The following IQGAP1 variants were observed in gnomAD, a reference collection of about 807,000 sequenced individuals.
The protein encoded by IQGAP1 is ras GTPase-activating-like protein IQGAP1.
In IQGAP1, 66 loss-of-function variants were observed where a neutral mutation model predicts 215.6. That is an observed-to-expected ratio of 0.31 (90% confidence interval 0.25 to 0.38). IQGAP1 has a LOEUF of 0.38. Ranked by LOEUF, IQGAP1 falls within the 10% of genes least tolerant of loss-of-function variation. The probability of loss-of-function intolerance (pLI) is 1.00; values close to 1 mark genes in which losing one functional copy is unlikely to be tolerated. For missense variants in IQGAP1, 1,712 were observed against 1,997.1 expected (o/e 0.86, Z 2.72); for synonymous variants, 772 against 728.7 (o/e 1.06, Z -0.96).
At chr15:90,427,010 GT>G (rs1384249905) in intron 3 of IQGAP1, among the ~76,000 whole-genome samples, 2 of 151,254 alleles carry the variant, frequency 1.3e-5, no homozygotes, top group Middle Eastern at 3.4e-3. Flanking sequence ...ATTCTCACCT[GT>G]AATCCCAGTA....
At chr15:90,484,104 G>T in intron 29 of IQGAP1, 116 bp from the exon 30 acceptor site, 1 of 870,650 alleles carries the variant, frequency 1.1e-6, no homozygotes, top group South Asian at 1.7e-5. Context: ...TTCTCTTGAA[G>T]TAACTGTTGA....
intron 9 of IQGAP1, among the ~76,000 whole-genome samples, chr15:90,447,336 C>T (rs944123598): frequency 9.2e-5 from 14 of 152,216 alleles, no homozygotes; most frequent in African/African-American, 2.9e-4. Context: ...CCTTTTCTTC[C>T]GCCCTTTTTT....
At chr15:90,493,538 T>C (rs184233425) in intron 35 of IQGAP1, among the ~76,000 whole-genome samples, 108 of 152,352 alleles carry the variant, frequency 7.1e-4, no homozygotes, top group African/African-American at 2.0e-3. Flanking sequence ...TTATTATTTA[T>C]TCCTAACTTT....
chr15:90,429,911 A>C, intron 4 of IQGAP1: 1 of 296,506 alleles, frequency 3.4e-6, no homozygotes, highest in Non-Finnish European at 6.2e-6. Flanking sequence ...ACTACATCAA[A>C]TTGTAGACTT....
rs79750290 is a variant in IQGAP1 at position 90,448,971 on chromosome 15, C to G, written c.1077+235C>G. On this transcript the variant is annotated intron_variant, in intron 10 of 37. Transcript: ENST00000268182. Reference sequence around the variant, plus strand: ...ATAAACAGACAATACCCACCCATCCCCAGTCTAATCACTCCTTCACTTCAG... The same window carrying G: ...ATAAACAGACAATACCCACCCATCCGCAGTCTAATCACTCCTTCACTTCAG... Among the ~76,000 whole-genome samples the G allele has an allele frequency of 3.0e-3, 451 of 152,248 alleles. 4 individuals carry two copies. Among genetic ancestry groups the G allele is most frequent in the African/African-American group, 0.011 (437 of 41,536 alleles).
intron 2 of IQGAP1, among the ~76,000 whole-genome samples, chr15:90,407,460 A>G (rs888826945): frequency 7.9e-5 from 12 of 152,280 alleles, no homozygotes; most frequent in South Asian, 2.1e-4. Context: ...TGCCAGGGGA[A>G]CAGAACTAGA....
chr15:90,452,505 G>C (rs146246695), intron 11 of IQGAP1, among the ~76,000 whole-genome samples: 2 of 152,200 alleles, frequency 1.3e-5, no homozygotes, highest in African/African-American at 4.8e-5. Context: ...GTAGCATATA[G>C]GATGAATTGA....
chr15:90,469,087 A>T (rs1444140296), intron 18 of IQGAP1, among the ~76,000 whole-genome samples: 4 of 152,176 alleles, frequency 2.6e-5, no homozygotes, highest in Non-Finnish European at 5.9e-5. Flanking sequence ...GGGAAGTTAC[A>T]TTGTCATTGA....
intron 2 of IQGAP1, among the ~76,000 whole-genome samples, chr15:90,406,531 A>G (rs1247031484): frequency 1.3e-5 from 2 of 152,246 alleles, no homozygotes; most frequent in African/African-American, 2.4e-5. Context: ...AACATTGTGA[A>G]TATTCTAAAA....
Position 90,448,574 on chromosome 15 carries a change from AT to A in IQGAP1, c.919del (p.Ser307LeufsTer3). 1 of 1,573,804 alleles carries A rather than the reference AT, an allele frequency of 6.4e-7. No individual in the cohort carries two copies. The highest frequency in any genetic ancestry group is 8.6e-7 in the Non-Finnish European group (1 of 1,160,826). Reference protein sequence around the residue: ...IQGNINKVNTFSALANIDLAL... With the variant: ...IQGNINKVNTXSALANIDLAL... ...CAAGCTTTTGCCTTTTTTCCTCAGC[AT>A]TTTCTGCATTAGCAAATATCGACCT... On this transcript the variant is annotated frameshift_variant and splice_region_variant, in exon 10 of 38. Coordinates refer to ENST00000268182, the MANE Select transcript of IQGAP1 (RefSeq NM_003870.4). LOFTEE classifies it high-confidence loss of function.
At chr15:90,473,639 C>A (rs1301782576) in intron 19 of IQGAP1, 76 bp from the exon 20 acceptor site, 6 of 1,052,730 alleles carry the variant, frequency 5.7e-6, no homozygotes, top group Non-Finnish European at 8.6e-6. Flanking sequence ...GATCATGTAT[C>A]AAGATGAAAG....
chr15:90,450,856 A>C (rs115527935), intron 11 of IQGAP1, among the ~76,000 whole-genome samples: 2,151 of 103,404 alleles, frequency 0.021, 40 homozygotes, highest in African/African-American at 0.078. Context: ...CTTATATATT[A>C]TGGTTATTGT....
chr15:90,477,193 C>T lies in IQGAP1; in HGVS notation c.3067C>T (p.Leu1023=). The T allele has an allele frequency of 6.2e-7, 1 of 1,614,122 alleles. No homozygotes were observed. The stretch of plus-strand genomic sequence containing the variant: ...CAACCAGCGAGAGGAGTACCTGCTC[C>T]TGCGGCTCTTTAAGACAGCACTCCA... ...ASNQREEYLL[L]RLFKTALQEE... is the part of the protein sequence containing the mutation. The change falls in exon 25 of 38, where the codon CTG becomes TTG. Residue 1023 remains leucine (L), a synonymous_variant. Coordinates refer to ENST00000268182, the MANE Select transcript of IQGAP1 (RefSeq NM_003870.4).
intron 2 of IQGAP1, among the ~76,000 whole-genome samples, chr15:90,414,161 GA>G (rs1204135515): frequency 6.6e-6 from 1 of 151,770 alleles, no homozygotes; most frequent in Non-Finnish European, 1.5e-5. Flanking sequence ...TACACTTCTA[GA>G]AAAAGAAGTT....
intron 2 of IQGAP1, among the ~76,000 whole-genome samples, chr15:90,401,451 A>G (rs909936847): frequency 1.3e-5 from 2 of 152,244 alleles, no homozygotes; most frequent in African/African-American, 4.8e-5. Context: ...CCCCCAAAAC[A>G]AAAAACCAAA....
Position 90,410,843 on chromosome 15 carries a change from T to TA in IQGAP1, c.156-15252dup, listed in dbSNP as rs58903853. Among the ~76,000 whole-genome samples the TA allele has an allele frequency of 7.4e-3, 941 of 126,664 alleles. 4 individuals carry two copies. The highest frequency in any genetic ancestry group is 0.017 in the Middle Eastern group (4 of 232). 83.1% of individuals were successfully genotyped at this position (126,664 alleles called of 152,430 possible). A position where few individuals can be genotyped will look rare whatever the true frequency, so the allele number is the denominator to read the frequency against. ...ATGTACCCTAGAACTTAAAGTATAA[T>TA]AAAAAAAAAAAAAAAGAAAAAACAT... is the stretch of plus-strand genomic sequence containing the variant. On this transcript the variant is annotated intron_variant, in intron 2 of 37. Coordinates refer to ENST00000268182, the MANE Select transcript of IQGAP1 (RefSeq NM_003870.4).
chr15:90,496,607 C>T (rs1966278233), intron 36 of IQGAP1: 1 of 152,202 alleles, frequency 6.6e-6, no homozygotes, highest in Non-Finnish European at 1.5e-5. Flanking sequence ...AGATGTGAGC[C>T]ACTGTGCCCG....
chr15:90,484,433 G>C (rs1242809592), intron 30 of IQGAP1, 81 bp downstream of exon 30: 1 of 1,165,222 alleles, frequency 8.6e-7, no homozygotes, highest in Non-Finnish European at 1.2e-6. Flanking sequence ...CTGGTAGCCA[G>C]GTGTCTAACC....
intron 2 of IQGAP1, among the ~76,000 whole-genome samples, chr15:90,408,965 A>G (rs769474814): frequency 8.6e-5 from 13 of 152,016 alleles, no homozygotes; most frequent in South Asian, 2.1e-4. Context: ...TTAACATGCC[A>G]TCTTGACCTC....
Sources: allele counts gnomAD v4.1 joint callset (sites outside exome capture counted in the v4.1 genomes callset), GRCh38; gene constraint gnomAD v4.1.1; transcripts MANE v1.5; gene names NCBI Gene and HGNC (gene_info 2026-07-23, HGNC 2026-07-21).